The following SEMA3E variants were observed in gnomAD, a reference collection of about 807,000 sequenced individuals.
SEMA3E encodes the protein semaphorin 3E, also known as semaphorin-3E.
Under a neutral mutation model 93.6 loss-of-function variants are expected in SEMA3E, and 49 were observed. That is an observed-to-expected ratio of 0.52 (90% CI 0.42 to 0.66). SEMA3E has a LOEUF of 0.66. Among genes scored for constraint, SEMA3E ranks in the 30% least tolerant of loss-of-function variants. The pLI is 0.00. For synonymous variants in SEMA3E, 363 were observed against 330.7 expected, an observed-to-expected ratio of 1.10 and a Z score of -1.06; for missense variants, 906 against 964.8, an observed-to-expected ratio of 0.94 and a Z score of 0.81.
intron 1 of SEMA3E, among the ~76,000 whole-genome samples, chr7:83,490,810 A>G (rs537348340): frequency 1.2e-4 from 18 of 152,208 alleles, no homozygotes; most frequent in Non-Finnish European, 1.9e-4. Flanking sequence ...TATATTTTCA[A>G]TCATTGCAAT....
At chr7:83,581,643 A>T (rs930785592) in intron 1 of SEMA3E, among the ~76,000 whole-genome samples, 10 of 152,064 alleles carry the variant, frequency 6.6e-5, no homozygotes, top group African/African-American at 2.4e-4. Context: ...ATCAAAAATA[A>T]ATATGGTATA....
At chr7:83,417,855 G>A (rs1788585051) in intron 5 of SEMA3E, among the ~76,000 whole-genome samples, 1 of 152,100 alleles carries the variant, frequency 6.6e-6, no homozygotes, top group East Asian at 1.9e-4. Flanking sequence ...ATTTCCGTAT[G>A]TACATTTAGT....
chr7:83,453,759 T>C (rs1035375661), intron 4 of SEMA3E, among the ~76,000 whole-genome samples: 1 of 152,132 alleles, frequency 6.6e-6, no homozygotes, highest in East Asian at 1.9e-4. Flanking sequence ...AAAAAGTTTA[T>C]AAAAGTATCT....
At chr7:83,564,865 T>C (rs564546378) in intron 1 of SEMA3E, among the ~76,000 whole-genome samples, 2 of 152,132 alleles carry the variant, frequency 1.3e-5, no homozygotes, top group African/African-American at 2.4e-5. Context: ...TGGAAGGAGA[T>C]AGAGACATGA....
At chr7:83,450,768 A>T (rs932712606) in intron 4 of SEMA3E, among the ~76,000 whole-genome samples, 1 of 152,190 alleles carries the variant, frequency 6.6e-6, no homozygotes, top group Non-Finnish European at 1.5e-5. Context: ...GGTGTACTTA[A>T]CGAATGTCTC....
At position 83,407,224 on chromosome 7, in the gene SEMA3E, C is replaced by T. The variant is rs760199830; in HGVS notation, c.686G>A (p.Gly229Asp). The change falls in exon 7 of 17, where the codon GGT becomes GAT. Residue 229 changes from glycine (G) to aspartate (D), a missense_variant. Gly to Asp is a moderately conservative substitution (Grantham distance 94, BLOSUM62 -1). Transcript: ENST00000643230. Reference protein sequence around the residue: ...ERLLKEPKFVGSYMIPDNEDR... With the variant: ...ERLLKEPKFVDSYMIPDNEDR... ...TTCATTGTCAGGAATCATGTATGAA[C>T]CTACAAATTTTGGTTCTATAGGAGC... 1 of 1,612,856 alleles carries T rather than the reference C, an allele frequency of 6.2e-7. No homozygotes were observed. The highest frequency in any genetic ancestry group is 8.5e-7 in the Non-Finnish European group (1 of 1,179,550).
chr7:83,612,942 G>T (rs528650626), intron 1 of SEMA3E, among the ~76,000 whole-genome samples: 2 of 152,172 alleles, frequency 1.3e-5, no homozygotes, highest in East Asian at 3.9e-4. Context: ...TCATATCCAT[G>T]ATTCAGCCAG....
chr7:83,379,764 G>C (rs537055729), intron 16 of SEMA3E, among the ~76,000 whole-genome samples: 10 of 151,910 alleles, frequency 6.6e-5, no homozygotes, highest in African/African-American at 2.2e-4. Context: ...GTCTCTCTGT[G>C]CTTCAATTTT....
At chr7:83,590,898 C>A (rs917868016) in intron 1 of SEMA3E, among the ~76,000 whole-genome samples, 5 of 151,980 alleles carry the variant, frequency 3.3e-5, no homozygotes, top group Admixed American at 3.3e-4. Flanking sequence ...GCTGTGATTT[C>A]TGTGTTACTT....
intron 5 of SEMA3E, 103 bp downstream of exon 5, chr7:83,418,287 G>A (rs1224852535): frequency 4.8e-6 from 4 of 839,922 alleles, no homozygotes; most frequent in Admixed American, 2.0e-5. Flanking sequence ...GATATGACAA[G>A]GCATAGTATG....
At chr7:83,604,240 G>A (rs76755246) in intron 1 of SEMA3E, among the ~76,000 whole-genome samples, 41,458 of 151,756 alleles carry the variant, frequency 0.27, 6,176 homozygotes, top group Middle Eastern at 0.38. Context: ...TAAGTAAAAC[G>A]CATATACAGA....
At chr7:83,599,552 A>G (rs1166733225) in intron 1 of SEMA3E, among the ~76,000 whole-genome samples, 1 of 152,222 alleles carries the variant, frequency 6.6e-6, no homozygotes, top group Non-Finnish European at 1.5e-5. Context: ...TTTTGTTAAC[A>G]TAAGTATGAA....
intron 1 of SEMA3E, among the ~76,000 whole-genome samples, chr7:83,538,808 ATCT>A (rs1442851233): frequency 6.6e-6 from 1 of 152,136 alleles, no homozygotes; most frequent in African/African-American, 2.4e-5. Flanking sequence ...TAAAAATTTC[ATCT>A]TCTTGAATAA....
At chr7:83,390,753 A>G (rs569647423) in intron 14 of SEMA3E, among the ~76,000 whole-genome samples, 1 of 152,282 alleles carries the variant, frequency 6.6e-6, no homozygotes, top group South Asian at 2.1e-4. Flanking sequence ...GAACTAATTC[A>G]TTTACGAGCA....
At chr7:83,390,041 A>G (rs1418633433) in intron 14 of SEMA3E, among the ~76,000 whole-genome samples, 10 of 144,690 alleles carry the variant, frequency 6.9e-5, no homozygotes, top group African/African-American at 2.2e-4. Context: ...GTATACACAT[A>G]TATGCGCGTA....
chr7:83,473,651 A>G (rs1039361889), intron 2 of SEMA3E, among the ~76,000 whole-genome samples: 1 of 152,244 alleles, frequency 6.6e-6, no homozygotes, highest in Non-Finnish European at 1.5e-5. Flanking sequence ...AACACTAGGC[A>G]TGCATTCCTG....
intron 11 of SEMA3E, among the ~76,000 whole-genome samples, chr7:83,397,418 A>G (rs1264320232): frequency 6.6e-6 from 1 of 152,110 alleles, no homozygotes; most frequent in East Asian, 1.9e-4. Context: ...GTACGAAACT[A>G]TACCTTTAGT....
chr7:83,452,010 G>T (rs571895799), intron 4 of SEMA3E, among the ~76,000 whole-genome samples: 1 of 152,252 alleles, frequency 6.6e-6, no homozygotes, highest in Admixed American at 6.5e-5. Flanking sequence ...GTAGCCTCAG[G>T]ATTAACAGTT....
At chr7:83,370,469 C>T (rs918922837) in intron 16 of SEMA3E, among the ~76,000 whole-genome samples, 1 of 152,220 alleles carries the variant, frequency 6.6e-6, no homozygotes, top group East Asian at 1.9e-4. Flanking sequence ...TTCCTCATCA[C>T]CATTTTTGCT....
Sources: gnomAD v4.1 joint callset for allele counts (sites outside exome capture counted in the v4.1 genomes callset) on GRCh38, gnomAD v4.1.1 for gene constraint, MANE v1.5 for transcripts, NCBI Gene and HGNC (gene_info 2026-07-23, HGNC 2026-07-21) for gene names.